PCSK5: variants seen among roughly 807,000 people sequenced by gnomAD.
PCSK5 encodes prohormone convertase 5.
A neutral mutation model predicts 233.2 loss-of-function variants in PCSK5; 129 were observed. The ratio of observed to expected loss-of-function variants is 0.55; its 90% confidence interval spans 0.48 to 0.64. The LOEUF (loss-of-function observed/expected upper bound fraction) is 0.64. PCSK5 is among the 30% of genes least tolerant of loss of function. The probability of loss-of-function intolerance (pLI) is 0.00; values close to 1 mark genes in which losing one functional copy is unlikely to be tolerated. For synonymous variants in PCSK5, 825 were observed against 879.2 expected (o/e 0.94, Z 1.09); for missense variants, 2,076 against 2,430.1 (o/e 0.85, Z 3.06).
intron 9 of PCSK5, among the ~76,000 whole-genome samples, chr9:76,119,051 T>C (rs1832537863): frequency 6.6e-6 from 1 of 152,000 alleles, no homozygotes; most frequent in African/African-American, 2.4e-5. Flanking sequence ...TTAAAGAAGG[T>C]TTCAAGTTTT....
chr9:76,060,331 T>A (rs1829982450), intron 5 of PCSK5, among the ~76,000 whole-genome samples: 1 of 152,230 alleles, frequency 6.6e-6, no homozygotes, highest in African/African-American at 2.4e-5. Flanking sequence ...ATATACTATA[T>A]TCTTACAATT....
chr9:76,248,133 C>T (rs182994979), intron 24 of PCSK5, among the ~76,000 whole-genome samples: 2,085 of 152,090 alleles, frequency 0.014, 49 homozygotes, highest in African/African-American at 0.048. Context: ...TCGCACTATA[C>T]TTACCAGGCT....
intron 25 of PCSK5, among the ~76,000 whole-genome samples, chr9:76,293,028 T>G (rs1828325514): frequency 6.6e-6 from 1 of 152,170 alleles, no homozygotes; most frequent in Admixed American, 6.5e-5. Context: ...AGGATGTTAA[T>G]CTCCTGAAGA....
chr9:76,103,824 T>C (rs1034357256), intron 8 of PCSK5, among the ~76,000 whole-genome samples: 1 of 152,210 alleles, frequency 6.6e-6, no homozygotes, highest in East Asian at 1.9e-4. Context: ...TGAGAAGTTC[T>C]TTGGAGAAAA....
intron 2 of PCSK5, among the ~76,000 whole-genome samples, chr9:75,956,982 A>G (rs546211438): frequency 6.6e-6 from 1 of 152,258 alleles, no homozygotes; most frequent in Admixed American, 6.5e-5. Context: ...AGGGGACAAA[A>G]TATTACGAAT....
At chr9:76,010,017 A>G (rs1827663755) in intron 3 of PCSK5, among the ~76,000 whole-genome samples, 1 of 152,180 alleles carries the variant, frequency 6.6e-6, no homozygotes, top group South Asian at 2.1e-4. Context: ...TTTTAGCCAA[A>G]TAACAACTAC....
chr9:76,215,080 T>C (rs567519280), intron 20 of PCSK5, among the ~76,000 whole-genome samples: 2 of 152,288 alleles, frequency 1.3e-5, no homozygotes, highest in South Asian at 2.1e-4. Context: ...CACTAGACAA[T>C]TGCATAAGCC....
chr9:76,108,290 A>G (rs914366), intron 9 of PCSK5, among the ~76,000 whole-genome samples: 49,804 of 152,100 alleles, frequency 0.33, 8,384 homozygotes, highest in South Asian at 0.41. Flanking sequence ...CAGGAGGATC[A>G]TAAGAAAAAG....
intron 3 of PCSK5, among the ~76,000 whole-genome samples, chr9:76,002,485 C>G (rs746249623): frequency 3.9e-5 from 6 of 152,064 alleles, no homozygotes; most frequent in Admixed American, 6.6e-5. Flanking sequence ...CATCTCCAAA[C>G]GAAAATCATA....
intron 3 of PCSK5, among the ~76,000 whole-genome samples, chr9:75,992,633 AG>A (rs1400083386): frequency 6.6e-6 from 1 of 152,142 alleles, no homozygotes; most frequent in Non-Finnish European, 1.5e-5. Flanking sequence ...GCCTCACAGA[AG>A]GACTCAGAAG....
At chr9:76,186,466 G>A (rs1280020170) in intron 17 of PCSK5, among the ~76,000 whole-genome samples, 2 of 152,214 alleles carry the variant, frequency 1.3e-5, no homozygotes, top group Admixed American at 1.3e-4. Context: ...CAGTAGCCAT[G>A]TGTGCCAGAT....
At chr9:75,934,362 A>G (rs773416051) in intron 2 of PCSK5, among the ~76,000 whole-genome samples, 27 of 152,206 alleles carry the variant, frequency 1.8e-4, no homozygotes, top group Admixed American at 5.9e-4. Context: ...GTTTGCCCAC[A>G]CTTTCGGATC....
At chr9:76,068,492 C>A (rs996298017) in intron 6 of PCSK5, among the ~76,000 whole-genome samples, 2 of 151,884 alleles carry the variant, frequency 1.3e-5, no homozygotes, top group African/African-American at 4.8e-5. Context: ...TAAAAAGTTC[C>A]TTTTAATTGT....
chr9:75,956,773 C>T (rs896088495), intron 2 of PCSK5, among the ~76,000 whole-genome samples: 3 of 146,764 alleles, frequency 2.0e-5, no homozygotes, highest in African/African-American at 2.5e-5. Context: ...CTTGGTGGTC[C>T]GCCTCTCGTT....
chr9:76,152,801 C>T (rs1449173253), intron 10 of PCSK5, among the ~76,000 whole-genome samples: 1 of 152,124 alleles, frequency 6.6e-6, no homozygotes, highest in African/African-American at 2.4e-5. Flanking sequence ...AGAATAGAGT[C>T]TTTTAGGCCT....
intron 24 of PCSK5, chr9:76,287,833 G>C (rs554839564): frequency 1.4e-5 from 3 of 213,810 alleles, no homozygotes; most frequent in African/African-American, 6.9e-5. Flanking sequence ...CTAAGAGGCA[G>C]GTCTGACAGA....
chr9:76,328,290 T>C (rs1829429601), intron 33 of PCSK5, 51 bp downstream of exon 33: 2 of 1,304,942 alleles, frequency 1.5e-6, no homozygotes, highest in South Asian at 1.2e-5. Context: ...TCTGGGAAAC[T>C]GCCTTGCACA....
chr9:76,097,405 G>A (rs977433730), intron 8 of PCSK5, among the ~76,000 whole-genome samples: 1 of 143,932 alleles, frequency 6.9e-6, no homozygotes, highest in Non-Finnish European at 1.5e-5. Context: ...GACTACAGGC[G>A]CCCGCCACCG....
chr9:76,032,924 T>C (rs1303032333), intron 5 of PCSK5, among the ~76,000 whole-genome samples: 1 of 152,186 alleles, frequency 6.6e-6, no homozygotes, highest in Non-Finnish European at 1.5e-5. Flanking sequence ...AGAGTCTAAT[T>C]CCTTTTCAAA....
Sources: gnomAD v4.1 joint callset for allele counts (sites outside exome capture counted in the v4.1 genomes callset) on GRCh38, gnomAD v4.1.1 for gene constraint, MANE v1.5 for transcripts, NCBI Gene and HGNC (gene_info 2026-07-23, HGNC 2026-07-21) for gene names.